AGBL5: variants seen among roughly 807,000 people sequenced by gnomAD.
AGBL5 encodes AGBL carboxypeptidase 5.
Under a neutral mutation model 88.0 loss-of-function variants are expected in AGBL5, and 51 were observed. That is an observed-to-expected ratio of 0.58 (90% CI 0.46 to 0.73). AGBL5 has a LOEUF of 0.73. AGBL5 is among the 30% of genes least tolerant of loss of function. The pLI is 0.00. For missense variants in AGBL5, 1,031 were observed against 1,162.2 expected (o/e 0.89, Z 1.64); for synonymous variants, 446 against 438.8 (o/e 1.02, Z -0.21).
chr2:27,067,539 A>G lies in AGBL5; in HGVS notation c.2135A>G (p.His712Arg). ...AGACGGCAGCAGCAGCCCCTGAACC[A>G]TCGTCCTGCAGGCAGCCTCGCTCCA... ...DRRRQQQPLNHRPAGSLAPSP... is the reference protein window; with the variant it reads ...DRRRQQQPLNRRPAGSLAPSP... The change falls in exon 12 of 15, where the codon CAT becomes CGT. Residue 712 changes from histidine (H) to arginine (R), a missense_variant. Physicochemically the swap from His to Arg is conservative, Grantham distance 29. Around this residue, in one of 2 missense-constraint regions of AGBL5, gnomAD observed 491 missense variants for 484.0 expected, o/e 1.01. Transcript: ENST00000360131. 1 of 1,614,114 alleles carries G rather than the reference A, an allele frequency of 6.2e-7. No individual in the cohort carries two copies. Among genetic ancestry groups the G allele is most frequent in the Non-Finnish European group, 8.5e-7 (1 of 1,180,018 alleles).
rs952426931 is a variant in AGBL5, at chr2:27,068,680, T to C, written c.2291T>C (p.Met764Thr). Residue 764 changes from methionine (M) to threonine (T), a missense_variant, in exon 13 of 15, where the codon ATG (methionine) becomes ACG (threonine). Physicochemically the swap from Met to Thr is moderately conservative, Grantham distance 81. Transcript: ENST00000360131. ...TCTGGAGACAAACCAGAGGCTGTCA[T>C]GGTAATCGGGAAAGGTCTGCTAGGG... ...LSSGDKPEAV[M>T]VIGKGLLGTG... The C allele has an allele frequency of 2.5e-6, 4 of 1,614,086 alleles. No individual in the cohort carries two copies. Among genetic ancestry groups the C allele is most frequent in the East Asian group, 2.2e-5 (1 of 44,864 alleles).
Position 27,067,558 on chromosome 2 carries a change from C to G in AGBL5, c.2154C>G (p.Leu718=), listed in dbSNP as rs561408089. 1.2e-6 allele frequency: 2 copies of G among 1,614,030 alleles called. No homozygotes were observed. The highest frequency in any genetic ancestry group is 2.7e-5 in the African/African-American group (2 of 74,908). Reference sequence around the variant, plus strand: ...TGAACCATCGTCCTGCAGGCAGCCTCGCTCCATCCCCAGCTCCTACTAGTT... The same window carrying G: ...TGAACCATCGTCCTGCAGGCAGCCTGGCTCCATCCCCAGCTCCTACTAGTT... ...QPLNHRPAGS[L]APSPAPTSSG... is the part of the protein sequence containing the mutation. The change falls in exon 12 of 15, where the codon CTC becomes CTG. Residue 718 remains leucine, a synonymous_variant. Coordinates refer to ENST00000360131, the MANE Select transcript of AGBL5 (RefSeq NM_021831.6).
chr2:27,069,277 T>A (rs1241724699), intron 13 of AGBL5: 1 of 985,258 alleles, frequency 1.0e-6, no homozygotes, highest in African/African-American at 1.7e-5. Flanking sequence ...CTCCACTATC[T>A]TTCTACACAG....
At chr2:27,068,135 G>C (rs532567971) in intron 12 of AGBL5, among the ~76,000 whole-genome samples, 32 of 152,280 alleles carry the variant, frequency 2.1e-4, no homozygotes, top group East Asian at 1.5e-3. Flanking sequence ...TAAGACTCTA[G>C]TCCAACATGT....
intron 11 of AGBL5, among the ~76,000 whole-genome samples, chr2:27,060,855 C>A (rs1668682702): frequency 6.6e-6 from 1 of 152,202 alleles, no homozygotes; most frequent in African/African-American, 2.4e-5. Context: ...TAACAGTGAA[C>A]AAGATAATAT....
chr2:27,057,336 C>T lies in AGBL5; in HGVS notation c.1569C>T (p.Arg523=), dbSNP rs1348224852. The T allele has an allele frequency of 6.2e-7, 1 of 1,614,042 alleles. No homozygotes were observed. Among genetic ancestry groups the T allele is most frequent in the East Asian group, 2.2e-5 (1 of 44,884 alleles). ...YTLECNYNTG[R]SVNSIPAACH... ...TTGAATGCAACTACAACACTGGACG[C>T]TCAGTAAACAGCATCCCTGCTGCCT... is the stretch of plus-strand genomic sequence containing the variant. The change falls in exon 9 of 15, where the codon CGC becomes CGT. Residue 523 remains arginine (R), a synonymous_variant. Transcript: ENST00000360131.
At chr2:27,054,549 C>T (rs1668332066) in intron 4 of AGBL5, 81 bp from the exon 5 acceptor site, 10 of 1,389,096 alleles carry the variant, frequency 7.2e-6, no homozygotes, top group Non-Finnish European at 8.9e-6. Context: ...CCAGATTTTA[C>T]AGATCCTGGG....
chr2:27,057,334 C>T lies in AGBL5; in HGVS notation c.1567C>T (p.Arg523Cys), dbSNP rs142022074. 6.3e-5 allele frequency: 102 copies of T among 1,613,972 alleles called. 1 individual carries two copies. Among genetic ancestry groups the T allele is most frequent in the Middle Eastern group, 5.0e-4 (3 of 6,060 alleles). Residue 523 changes from arginine (R) to cysteine (C), a missense_variant, in exon 9 of 15, where the codon CGC becomes TGC. By Grantham distance (180) the Arg-to-Cys change is radical. This residue lies in a region of AGBL5 where 491 missense variants were observed against 484.0 expected (regional missense o/e 1.01). Coordinates refer to ENST00000360131, the MANE Select transcript of AGBL5 (RefSeq NM_021831.6). ...YTLECNYNTG[R>C]SVNSIPAACH... is the part of the protein sequence containing the mutation. Reference sequence around the variant, plus strand: ...ACTTGAATGCAACTACAACACTGGACGCTCAGTAAACAGCATCCCTGCTGC... The same window carrying T: ...ACTTGAATGCAACTACAACACTGGATGCTCAGTAAACAGCATCCCTGCTGC...
At chr2:27,051,816 C>T (rs1427528055) in intron 1 of AGBL5, 23 bp downstream of exon 1, 3 of 152,700 alleles carry the variant, frequency 2.0e-5, no homozygotes, top group South Asian at 1.9e-4. Flanking sequence ...GCGCGGACTA[C>T]GGGCCCCGCC....
chr2:27,050,825 G>C (rs564013585), upstream of AGBL5, among the ~76,000 whole-genome samples: 15 of 152,200 alleles, frequency 9.9e-5, no homozygotes, highest in Non-Finnish European at 2.2e-4. Flanking sequence ...GTAGTGGATA[G>C]GGCGTGGCAA....
intron 14 of AGBL5, 22 bp from the exon 15 acceptor site, chr2:27,070,070 T>G (rs1441757781): frequency 3.1e-6 from 5 of 1,603,236 alleles, no homozygotes; most frequent in African/African-American, 1.3e-5. Context: ...CAGCCCTGAT[T>G]CCTCTCTCTT....
In AGBL5 at chr2:27,069,648, AC is replaced by A. The variant is rs759542168; in HGVS notation, c.2437del (p.Arg813GlyfsTer68). On this transcript the variant is annotated frameshift_variant, in exon 14 of 15. Transcript: ENST00000360131. LOFTEE classifies it high-confidence loss of function. Reference protein sequence around the residue: ...MKGSSGPTSPTPRTRESSELE... With the variant: ...MKGSSGPTSPXPRTRESSELE... Reference sequence around the variant, plus strand: ...AGGCTCTTCAGGCCCCACATCCCCTACCCCCCGGACCAGGGAGAGCAGTGAG... The same window carrying A: ...AGGCTCTTCAGGCCCCACATCCCCTACCCCCGGACCAGGGAGAGCAGTGAG... The A allele has an allele frequency of 1.2e-6, 2 of 1,614,044 alleles. No homozygotes were observed. Among genetic ancestry groups the A allele is most frequent in the East Asian group, 2.2e-5 (1 of 44,876 alleles).
intron 11 of AGBL5, among the ~76,000 whole-genome samples, chr2:27,066,314 G>GAGGAATAGT (rs1165027225): frequency 6.6e-6 from 1 of 151,792 alleles, no homozygotes; most frequent in Admixed American, 6.6e-5. Flanking sequence ...AAATCTAAGA[G>GAGGAATAGT]AGGAATAGTA....
chr2:27,070,031 A>G, intron 14 of AGBL5, 61 bp from the exon 15 acceptor site: 1 of 1,559,294 alleles, frequency 6.4e-7, no homozygotes, highest in South Asian at 1.2e-5. Flanking sequence ...GCCCCTGGTT[A>G]GCAGAACAGA....
chr2:27,070,123 T>C lies in AGBL5; in HGVS notation c.2521T>C (p.Ser841Pro), dbSNP rs745326024. The change falls in exon 15 of 15, where the codon TCT (serine) becomes CCT (proline). Residue 841 changes from serine (S) to proline (P), a missense_variant. Physicochemically the swap from Ser to Pro is moderately conservative, Grantham distance 74. Around this residue, in one of 2 missense-constraint regions of AGBL5, gnomAD observed 491 missense variants for 484.0 expected, o/e 1.01. Transcript: ENST00000360131. ...TCAGGCCAGGCCCCCACGGCCCCGCTCTGCCCCTGCCTTTTCTCCTATATC... is the reference window on the plus strand; with the variant it reads ...TCAGGCCAGGCCCCCACGGCCCCGCCCTGCCCCTGCCTTTTCTCCTATATC... Reference protein sequence around the residue: ...LPQARPPRPRSAPAFSPISCS... With the variant: ...LPQARPPRPRPAPAFSPISCS... 3 of 1,614,154 alleles carry C rather than the reference T, an allele frequency of 1.9e-6. No homozygotes were observed. The highest frequency in any genetic ancestry group is 2.5e-6 in the Non-Finnish European group (3 of 1,179,978).
Position 27,053,146 on chromosome 2 carries a change from CTGAA to C in AGBL5, c.189_192del (p.Glu64ArgfsTer29). On this transcript the variant is annotated frameshift_variant, in exon 2 of 15. Transcript: ENST00000360131. LOFTEE classifies it high-confidence loss of function. The surrounding 1 kb of genome is among the most constrained non-coding windows in gnomAD (Gnocchi z 4.9). ...AACGTGTGGACCCGACCAGACTGTG[CTGAA>C]ACGGAATTTGAGAATGGGAACAGGT... The C allele has an allele frequency of 6.2e-7, 1 of 1,602,942 alleles. No individual in the cohort carries two copies. The highest frequency in any genetic ancestry group is 1.3e-5 in the African/African-American group (1 of 74,762).
chr2:27,054,406 G>A (rs10181551), intron 4 of AGBL5: 158,329 of 578,482 alleles, frequency 0.27, 23,557 homozygotes, highest in Admixed American at 0.37. Context: ...TCTATTCTAG[G>A]AAGCCACAAA....
intron 13 of AGBL5, chr2:27,069,018 G>C: frequency 4.9e-6 from 7 of 1,416,246 alleles, no homozygotes; most frequent in Non-Finnish European, 6.5e-6. Context: ...CCCTGCCCCT[G>C]CCCTTAGCTT....
At chr2:27,057,235 G>C in intron 8 of AGBL5, 68 bp from the exon 9 acceptor site, 2 of 1,515,512 alleles carry the variant, frequency 1.3e-6, no homozygotes, top group Non-Finnish European at 1.8e-6. Flanking sequence ...GACCACCTAA[G>C]TTGTCCTCTA....
Sources: allele counts gnomAD v4.1 joint callset (sites outside exome capture counted in the v4.1 genomes callset), GRCh38; gene constraint gnomAD v4.1.1; regional missense constraint gnomAD v4.1.1; non-coding constraint Gnocchi (gnomAD v3.1); transcripts MANE v1.5; gene names NCBI Gene and HGNC (gene_info 2026-07-23, HGNC 2026-07-21).